RIMS2: variants seen among roughly 807,000 people sequenced by gnomAD.
RIMS2 encodes regulating synaptic membrane exocytosis protein 2.
RIMS2 carries 59 observed loss-of-function variants against 174.4 expected under a neutral mutation model. That is an observed-to-expected ratio of 0.34 (90% CI 0.27 to 0.42). The LOEUF (loss-of-function observed/expected upper bound fraction) is 0.42, where lower values mean the gene tolerates loss of function less well. Ranked by LOEUF, RIMS2 falls within the 10% of genes least tolerant of loss-of-function variation. RIMS2 has a pLI of 1.00. For synonymous variants in RIMS2, 606 were observed against 572.5 expected, an observed-to-expected ratio of 1.06 and a Z score of -0.84; for missense variants, 1,620 against 1,666.3, an observed-to-expected ratio of 0.97 and a Z score of 0.48.
intron 1 of RIMS2, among the ~76,000 whole-genome samples, chr8:103,557,366 C>T (rs759773929): frequency 6.6e-6 from 1 of 152,170 alleles, no homozygotes; most frequent in African/African-American, 2.4e-5. Context: ...ATTCCCCTTA[C>T]CTGTCTTTCT....
At chr8:103,750,497 G>A (rs1372466205) in intron 2 of RIMS2, among the ~76,000 whole-genome samples, 1 of 152,120 alleles carries the variant, frequency 6.6e-6, no homozygotes, top group Non-Finnish European at 1.5e-5. Context: ...TATTTGAGGG[G>A]ATGGAGACCC....
At chr8:103,923,237 G>T (rs1201864193) in intron 10 of RIMS2, among the ~76,000 whole-genome samples, 1 of 151,608 alleles carries the variant, frequency 6.6e-6, no homozygotes, top group African/African-American at 2.4e-5. Context: ...TTTGGGGCTG[G>T]ATGATCCCAG....
At chr8:104,196,545 A>G (rs73301365) in intron 19 of RIMS2, among the ~76,000 whole-genome samples, 3,869 of 152,208 alleles carry the variant, frequency 0.025, 139 homozygotes, top group African/African-American at 0.082. Context: ...CTAAGAAGTA[A>G]TTATGAACTG....
intron 19 of RIMS2, among the ~76,000 whole-genome samples, chr8:104,123,659 A>C (rs1161634193): frequency 6.6e-6 from 1 of 152,088 alleles, no homozygotes; most frequent in Non-Finnish European, 1.5e-5. Context: ...ACAAAAAAAA[A>C]AAATACAAAT....
intron 3 of RIMS2, among the ~76,000 whole-genome samples, chr8:103,823,787 G>C (rs1238897323): frequency 6.7e-6 from 1 of 150,362 alleles, no homozygotes; most frequent in Admixed American, 6.6e-5. Flanking sequence ...AGTTCTCAGG[G>C]TGCAATCTAC....
chr8:104,026,550 A>G lies in RIMS2; in HGVS notation c.3334+11935A>G, dbSNP rs951099267. Among the ~76,000 whole-genome samples, 21 of 151,960 alleles carry G rather than the reference A, an allele frequency of 1.4e-4. 2 individuals carry two copies. The highest frequency in any genetic ancestry group is 1.1e-3 in the Admixed American group (17 of 15,232). ...TCCCTGAAAATACACAATGAGATGGAAAAAAAAATTGTGTTCCTTTAATGT... is the reference window on the plus strand; with the variant it reads ...TCCCTGAAAATACACAATGAGATGGGAAAAAAAATTGTGTTCCTTTAATGT... On this transcript the variant is annotated intron_variant, in intron 19 of 23. Transcript: ENST00000504942.
intron 1 of RIMS2, among the ~76,000 whole-genome samples, chr8:103,534,145 G>C (rs1352711387): frequency 1.3e-5 from 2 of 152,152 alleles, no homozygotes; most frequent in Non-Finnish European, 2.9e-5. Context: ...CACATATAAG[G>C]TAAAACTGTG....
chr8:103,831,689 A>G (rs1593333295), intron 3 of RIMS2, among the ~76,000 whole-genome samples: 3 of 152,302 alleles, frequency 2.0e-5, no homozygotes, highest in East Asian at 3.9e-4. Context: ...CCTTTACATT[A>G]ATTGCCATTT....
At chr8:104,158,556 T>C (rs904201267) in intron 19 of RIMS2, among the ~76,000 whole-genome samples, 3 of 152,206 alleles carry the variant, frequency 2.0e-5, no homozygotes, top group African/African-American at 7.2e-5. Context: ...CTCTCCAGCA[T>C]CTGATATTTC....
Position 104,187,785 on chromosome 8 carries a change from T to G in RIMS2, c.3335-57131T>G, listed in dbSNP as rs77194704. On this transcript the variant is annotated intron_variant, in intron 19 of 23. Coordinates refer to ENST00000504942, the Ensembl canonical transcript of RIMS2. ...ATGAGATTCTATAGTGGTAAGACCT[T>G]CCAAACTCTTTAAGACTTCAGCTTG... 5.9e-3 allele frequency among the ~76,000 whole-genome samples: 903 copies of G among 151,884 alleles called. 7 individuals are homozygous for G. Among genetic ancestry groups the G allele is most frequent in the African/African-American group, 0.02 (835 of 41,516 alleles).
chr8:103,719,399 A>G (rs78812801), intron 2 of RIMS2, among the ~76,000 whole-genome samples: 4,556 of 152,328 alleles, frequency 0.03, 74 homozygotes, highest in African/African-American at 0.046. Context: ...GGGAAGCCAT[A>G]CAAACATCTA....
intron 19 of RIMS2, among the ~76,000 whole-genome samples, chr8:104,235,884 C>A (rs2099255709): frequency 6.6e-6 from 1 of 151,928 alleles, no homozygotes; most frequent in African/African-American, 2.4e-5. Context: ...AGTTGTCCCC[C>A]AAAAAAATGT....
intron 3 of RIMS2, among the ~76,000 whole-genome samples, chr8:103,782,433 C>CGTGTGT (rs71297237): frequency 0.026 from 3,834 of 145,792 alleles, 153 homozygotes; most frequent in African/African-American, 0.09. Flanking sequence ...ACATAAATCC[C>CGTGTGT]GTGTGTGTGT....
At chr8:103,738,421 T>G (rs925637584) in intron 2 of RIMS2, among the ~76,000 whole-genome samples, 14 of 152,086 alleles carry the variant, frequency 9.2e-5, no homozygotes, top group African/African-American at 3.1e-4. Flanking sequence ...CCTAAAACCA[T>G]AAAAACCCTA....
intron 1 of RIMS2, among the ~76,000 whole-genome samples, chr8:103,671,579 C>T (rs1342162327): frequency 3.3e-5 from 5 of 152,140 alleles, no homozygotes; most frequent in African/African-American, 9.7e-5. Flanking sequence ...CCATGAACTT[C>T]CATGAAGACA....
intron 2 of RIMS2, among the ~76,000 whole-genome samples, chr8:103,742,700 C>G (rs2097773050): frequency 6.6e-6 from 1 of 152,028 alleles, no homozygotes; most frequent in South Asian, 2.1e-4. Context: ...GAATAGTTTT[C>G]TTTAGGGTTT....
downstream of RIMS2, chr8:104,254,458 C>T (rs927235515): frequency 1.3e-5 from 2 of 152,148 alleles, no homozygotes; most frequent in Non-Finnish European, 2.9e-5. Context: ...TGACTTTTCT[C>T]CCCACACAGC....
intron 2 of RIMS2, among the ~76,000 whole-genome samples, chr8:103,749,757 A>C (rs1046712232): frequency 2.6e-5 from 4 of 152,220 alleles, no homozygotes; most frequent in African/African-American, 9.6e-5. Context: ...TTTTTTGTGA[A>C]GTAGTGGGAA....
chr8:103,910,010 TGA>T, intron 4 of RIMS2: 1 of 531,096 alleles, frequency 1.9e-6, no homozygotes. Context: ...ATATATATAG[TGA>T]GTGCTACAGA....
Sources: gnomAD v4.1 joint callset for allele counts (sites outside exome capture counted in the v4.1 genomes callset) on GRCh38, gnomAD v4.1.1 for gene constraint, MANE v1.5 for transcripts, NCBI Gene and HGNC (gene_info 2026-07-23, HGNC 2026-07-21) for gene names.